C3orf18: variants seen among roughly 807,000 people sequenced by gnomAD.
C3orf18 encodes the protein chromosome 3 open reading frame 18, also known as uncharacterized protein C3orf18.
Under a neutral mutation model 14.1 loss-of-function variants are expected in C3orf18, and 12 were observed. The ratio of observed to expected loss-of-function variants is 0.85; its 90% CI spans 0.55 to 1.38. C3orf18 has a LOEUF of 1.38. C3orf18 is among the 40% of genes most tolerant of loss of function. The pLI is 0.00. For missense variants in C3orf18, 196 were observed against 213.9 expected, an observed-to-expected ratio of 0.92 and a Z score of 0.52; for synonymous variants, 82 against 87.9, an observed-to-expected ratio of 0.93 and a Z score of 0.38.
Position 50,565,284 on chromosome 3 carries a change from T to A in C3orf18, c.234+182A>T. 1.7e-6 allele frequency: 1 copy of A among 587,578 alleles called. No homozygotes were observed. The highest frequency in any genetic ancestry group is 3.0e-6 in the Non-Finnish European group (1 of 330,398). The allele number at this position is 587,578 out of a possible 1,614,324, so 36.4% of individuals were successfully genotyped here. On this transcript the variant is annotated intron_variant, in intron 3 of 5. Transcript: ENST00000357203. The surrounding 1 kb of genome is among the most constrained non-coding windows in gnomAD (Gnocchi z 4.4). ...TGGGAGGCTGAGGCAGGAGACTCGATTAAGCCCCAGAGGTGGAGGTTGCAG... is the reference window on the plus strand; with the variant it reads ...TGGGAGGCTGAGGCAGGAGACTCGAATAAGCCCCAGAGGTGGAGGTTGCAG...
Position 50,565,258 on chromosome 3 carries a change from T to C in C3orf18, c.234+208A>G. 1 of 557,532 alleles carries C rather than the reference T, an allele frequency of 1.8e-6. No individual in the cohort carries two copies. The highest frequency in any genetic ancestry group is 3.2e-5 in the Admixed American group (1 of 31,552). 34.5% of individuals were successfully genotyped at this position (557,532 alleles called of 1,614,324 possible). ...AGCTCACACCTGTAATCCCAGCTAC[T>C]TGGGAGGCTGAGGCAGGAGACTCGA... On this transcript the variant is annotated intron_variant, in intron 3 of 5. Coordinates refer to ENST00000357203, the MANE Select transcript of C3orf18 (RefSeq NM_016210.5). This position sits in a 1 kb window ranked among gnomAD's most constrained non-coding sequence, Gnocchi z 4.4.
intron 3 of C3orf18, among the ~76,000 whole-genome samples, chr3:50,564,716 A>G (rs1210893976): frequency 3.3e-5 from 5 of 152,202 alleles, no homozygotes; most frequent in East Asian, 1.9e-4. Flanking sequence ...ATAATTGCCA[A>G]GTGAATAAAT....
intron 5 of C3orf18, among the ~76,000 whole-genome samples, chr3:50,559,952 G>A (rs1218055518): frequency 6.6e-6 from 1 of 152,240 alleles, no homozygotes; most frequent in African/African-American, 2.4e-5. Flanking sequence ...GGCACTTACT[G>A]TGTTGATTTA....
chr3:50,572,233 A>G, upstream of C3orf18: 1 of 1,601,546 alleles, frequency 6.2e-7, no homozygotes, highest in Non-Finnish European at 8.5e-7. Context: ...AGGGCAAGGC[A>G]GGATCAGGAT....
At chr3:50,567,187 C>T (rs369919161) in intron 1 of C3orf18, among the ~76,000 whole-genome samples, 28 of 152,294 alleles carry the variant, frequency 1.8e-4, no homozygotes, top group East Asian at 1.7e-3. Context: ...CCGGGCGTGA[C>T]CTTGGGCCAA....
At chr3:50,571,139 T>C (rs760522776), upstream of C3orf18, 170 of 1,610,670 alleles carry the variant, frequency 1.1e-4, 1 homozygote, top group Middle Eastern at 1.5e-3. Flanking sequence ...TGGGCCCTCC[T>C]GTCTGGCCCA....
Position 50,558,721 on chromosome 3 carries a change from A to C in C3orf18, c.*936T>G. On this transcript the variant is annotated 3_prime_UTR_variant, in exon 6 of 6. Transcript: ENST00000357203. Reference sequence around the variant, plus strand: ...GCAGGTGAGCCCAGTGAAACAATGCAGTGGAGAGAGGAACCGTGCTGTGCG... The same window carrying C: ...GCAGGTGAGCCCAGTGAAACAATGCCGTGGAGAGAGGAACCGTGCTGTGCG... 7.8e-7 allele frequency: 1 copy of C among 1,289,762 alleles called. No homozygotes were observed. The highest frequency in any genetic ancestry group is 1.0e-6 in the Non-Finnish European group (1 of 988,818). 79.9% of individuals were successfully genotyped at this position (1,289,762 alleles called of 1,614,324 possible). A position where few individuals can be genotyped will look rare whatever the true frequency, so the allele number is the denominator to read the frequency against.
chr3:50,563,542 C>G (rs772803544), intron 3 of C3orf18, among the ~76,000 whole-genome samples: 2 of 152,186 alleles, frequency 1.3e-5, no homozygotes, highest in African/African-American at 2.4e-5. Context: ...CCTCCAGGAA[C>G]CTCCCCCACC....
chr3:50,570,911 C>T, upstream of C3orf18: 1 of 484,892 alleles, frequency 2.1e-6, no homozygotes, highest in Non-Finnish European at 3.7e-6. Context: ...ACCTGCTTTC[C>T]TGGTTCCTCT....
intron 4 of C3orf18, 32 bp from the exon 5 acceptor site, chr3:50,561,096 G>A: frequency 5.6e-6 from 9 of 1,604,138 alleles, no homozygotes; most frequent in Non-Finnish European, 7.7e-6. Context: ...GCTGGGGACA[G>A]GGCAGGCCCT....
chr3:50,559,045 G>A lies in C3orf18; in HGVS notation c.*612C>T. The A allele has an allele frequency of 7.8e-7, 1 of 1,289,758 alleles. No individual in the cohort carries two copies. The highest frequency in any genetic ancestry group is 1.0e-6 in the Non-Finnish European group (1 of 988,856). 79.9% of individuals were successfully genotyped at this position (1,289,758 alleles called of 1,614,324 possible). Reference sequence around the variant, plus strand: ...CAGTAACATCTGGTTGCCAAGGATGGGTGGCTGGGAGACCTCCTGGACCCT... The same window carrying A: ...CAGTAACATCTGGTTGCCAAGGATGAGTGGCTGGGAGACCTCCTGGACCCT... On this transcript the variant is annotated 3_prime_UTR_variant, in exon 6 of 6. Transcript: ENST00000357203.
upstream of C3orf18, chr3:50,572,331 G>C: frequency 5.3e-6 from 5 of 948,244 alleles, no homozygotes; most frequent in Non-Finnish European, 7.9e-6. Context: ...TGCCTTTCTA[G>C]ACATGTATTT....
chr3:50,572,784 G>A (rs566497677), upstream of C3orf18, among the ~76,000 whole-genome samples: 13 of 152,236 alleles, frequency 8.5e-5, no homozygotes, highest in Non-Finnish European at 1.8e-4. Context: ...GATGTGTGGC[G>A]CAAGTGTGTT....
At chr3:50,568,364 T>G (rs1348042008), upstream of C3orf18, among the ~76,000 whole-genome samples, 1 of 152,028 alleles carries the variant, frequency 6.6e-6, no homozygotes, top group Non-Finnish European at 1.5e-5. Context: ...AGTCACCGGG[T>G]AGCCTGGTAC....
At position 50,559,155 on chromosome 3, in the gene C3orf18, T is replaced by C; in HGVS notation, c.*502A>G. ...GACAGTTTCAGCTCCATCTCTGGGC[T>C]TCTCAGGGCCCATAACAGATGCTGC... is the stretch of plus-strand genomic sequence containing the variant. On this transcript the variant is annotated 3_prime_UTR_variant, in exon 6 of 6. Coordinates refer to ENST00000357203, the MANE Select transcript of C3orf18 (RefSeq NM_016210.5). 1 of 1,289,904 alleles carries C rather than the reference T, an allele frequency of 7.8e-7. No individual in the cohort carries two copies. Among genetic ancestry groups the C allele is most frequent in the Non-Finnish European group, 1.0e-6 (1 of 988,944 alleles). The allele number at this position is 1,289,904 out of a possible 1,614,324, so 79.9% of individuals were successfully genotyped here. A position where few individuals can be genotyped will look rare whatever the true frequency, so the allele number is the denominator to read the frequency against.
In C3orf18 at chr3:50,561,090, G is replaced by C. The variant is rs145904003; in HGVS notation, c.261-26C>G. 5.2e-4 allele frequency: 842 copies of C among 1,610,624 alleles called. 3 individuals carry two copies. The East Asian group carries it at 0.015, about 28-fold the overall frequency. Reference sequence around the variant, plus strand: ...CTGGGGATGGGGGCAAAGGCTGCTGGGGACAGGGCAGGCCCTTCCCCTCCC... The same window carrying C: ...CTGGGGATGGGGGCAAAGGCTGCTGCGGACAGGGCAGGCCCTTCCCCTCCC... On this transcript the variant is annotated intron_variant, in intron 4 of 5. Transcript: ENST00000357203.
At chr3:50,562,013 C>T (rs1285357919) in intron 3 of C3orf18, 2 of 593,322 alleles carry the variant, frequency 3.4e-6, no homozygotes, top group Non-Finnish European at 6.0e-6. Flanking sequence ...GATTCTCCTG[C>T]CTAAGCCTCC....
Position 50,559,705 on chromosome 3 carries a change from T to C in C3orf18, c.441A>G (p.Arg147=). 1 of 1,596,276 alleles carries C rather than the reference T, an allele frequency of 6.3e-7. No homozygotes were observed. Among genetic ancestry groups the C allele is most frequent in the Middle Eastern group, 1.7e-4 (1 of 6,030 alleles). Residue 147 remains arginine (R), a synonymous_variant, in exon 6 of 6, where the codon AGA becomes AGG. Coordinates refer to ENST00000357203, the MANE Select transcript of C3orf18 (RefSeq NM_016210.5). ...CATCGGTAAACACCAGCCGGCTGGG[T>C]CTCTGCAGTGGGCCCTGGGAGGGCA... is the stretch of plus-strand genomic sequence containing the variant. ...TTLPSQGPLQ[R]PSRLVFTDVA...
chr3:50,573,373 G>A (rs1701233526), upstream of C3orf18, among the ~76,000 whole-genome samples: 1 of 152,234 alleles, frequency 6.6e-6, no homozygotes, highest in African/African-American at 2.4e-5. Flanking sequence ...AGGCTTACCT[G>A]TGGCTCCTGA....
Sources: gnomAD v4.1 joint callset for allele counts (sites outside exome capture counted in the v4.1 genomes callset) on GRCh38, gnomAD v4.1.1 for gene constraint, Gnocchi (gnomAD v3.1) non-coding constraint, MANE v1.5 for transcripts, NCBI Gene and HGNC (gene_info 2026-07-23, HGNC 2026-07-21) for gene names.